Variants in SHANK2 observed in about 807,000 individuals in gnomAD.
SHANK2 encodes the protein SH3 and multiple ankyrin repeat domains 2.
In SHANK2, 43 loss-of-function variants were observed where a neutral mutation model predicts 133.7. That is an observed-to-expected ratio of 0.32 (90% CI 0.25 to 0.41). The LOEUF (loss-of-function observed/expected upper bound fraction) is 0.41. Among genes scored for constraint, SHANK2 ranks in the 10% least tolerant of loss-of-function variants. SHANK2 has a pLI of 1.00. For synonymous variants in SHANK2, 1,017 were observed against 952.8 expected (o/e 1.07, Z -1.24); for missense variants, 1,994 against 2,235.8 (o/e 0.89, Z 2.18).
intron 2 of SHANK2, among the ~76,000 whole-genome samples, chr11:71,214,079 T>C (rs1321985676): frequency 6.6e-6 from 1 of 152,146 alleles, no homozygotes; most frequent in African/African-American, 2.4e-5. Context: ...GTGACTCACC[T>C]GGCCTGGCCC....
chr11:71,213,279 T>C (rs930376629), intron 2 of SHANK2, among the ~76,000 whole-genome samples: 1 of 152,168 alleles, frequency 6.6e-6, no homozygotes, highest in Non-Finnish European at 1.5e-5. Flanking sequence ...CCTGCACAGC[T>C]GTGCCTGCCA....
intron 11 of SHANK2, among the ~76,000 whole-genome samples, chr11:70,837,952 C>A (rs1948845099): frequency 1.2e-5 from 1 of 80,442 alleles, no homozygotes. Flanking sequence ...CCAGCCTGGG[C>A]AACAGAGCAA....
At position 70,469,883 on chromosome 11, in the gene SHANK2, T is replaced by TATC. The variant is rs1169913719; in HGVS notation, c.*2983_*2985dup. The TATC allele has an allele frequency of 2.2e-4, 33 of 152,722 alleles. No individual in the cohort carries two copies. The highest frequency in any genetic ancestry group is 7.9e-4 in the African/African-American group (33 of 41,592). 9.5% of individuals were successfully genotyped at this position (152,722 alleles called of 1,614,324 possible). A position where few individuals can be genotyped will look rare whatever the true frequency, so the allele number is the denominator to read the frequency against. On this transcript the variant is annotated 3_prime_UTR_variant, in exon 26 of 26. Coordinates refer to ENST00000601538, the MANE Select transcript of SHANK2 (RefSeq NM_012309.5). ...ATGTGCGCAGACACCCTGGAAAAGG[T>TATC]ATCTTGGCAGGTATACATAATTTAC...
At chr11:70,514,197 A>G (rs559549807) in intron 17 of SHANK2, among the ~76,000 whole-genome samples, 10 of 152,364 alleles carry the variant, frequency 6.6e-5, no homozygotes, top group Admixed American at 6.5e-4. Context: ...ATCAGAAACC[A>G]TGGAGAAGAA....
chr11:71,167,567 C>T (rs1261039174), intron 2 of SHANK2, among the ~76,000 whole-genome samples: 28 of 135,230 alleles, frequency 2.1e-4, no homozygotes, highest in African/African-American at 2.9e-4. Context: ...CCCTCCCGGA[C>T]GGGGCGGCTG....
intron 8 of SHANK2, among the ~76,000 whole-genome samples, chr11:71,076,073 G>A (rs2135986134): frequency 1.3e-5 from 2 of 152,214 alleles, no homozygotes; most frequent in East Asian, 3.9e-4. Flanking sequence ...GCTGGGCACT[G>A]AGTCAGCACT....
intron 11 of SHANK2, among the ~76,000 whole-genome samples, chr11:70,842,179 A>C (rs924969085): frequency 1.3e-5 from 2 of 152,242 alleles, no homozygotes; most frequent in Non-Finnish European, 2.9e-5. Flanking sequence ...AAGTATATGA[A>C]ATCTCATTAT....
intron 11 of SHANK2, among the ~76,000 whole-genome samples, chr11:70,857,659 C>T (rs562347998): frequency 2.8e-4 from 43 of 152,286 alleles, no homozygotes; most frequent in African/African-American, 7.7e-4. Flanking sequence ...CTTTAGTTGA[C>T]GTGATGGCCC....
chr11:70,873,466 A>G (rs1451502528), intron 11 of SHANK2, among the ~76,000 whole-genome samples: 2 of 152,290 alleles, frequency 1.3e-5, no homozygotes, highest in African/African-American at 4.8e-5. Flanking sequence ...AGTTCCGTGG[A>G]GGAGGAGGGG....
intron 15 of SHANK2, chr11:70,661,934 A>G (rs1339987963): frequency 2.2e-6 from 2 of 902,108 alleles, no homozygotes; most frequent in Non-Finnish European, 3.5e-6. Flanking sequence ...AGCCGGAGGA[A>G]GGAGTCATAC....
intron 10 of SHANK2, among the ~76,000 whole-genome samples, chr11:70,901,102 T>C (rs1950015875): frequency 6.6e-6 from 1 of 152,142 alleles, no homozygotes. Flanking sequence ...CCATTATCTC[T>C]ACTCGACAGA....
At chr11:71,069,094 CCATCATCAT>C (rs1184528653) in intron 9 of SHANK2, among the ~76,000 whole-genome samples, 2 of 149,704 alleles carry the variant, frequency 1.3e-5, no homozygotes, top group African/African-American at 4.9e-5. Flanking sequence ...ACCATCATCA[CCATCATCAT>C]TATCAACCAC....
At chr11:70,544,078 C>T (rs1329030711) in intron 17 of SHANK2, among the ~76,000 whole-genome samples, 1 of 152,196 alleles carries the variant, frequency 6.6e-6, no homozygotes, top group African/African-American at 2.4e-5. Context: ...CAGACACGTT[C>T]CCATTTCTTA....
intron 17 of SHANK2, among the ~76,000 whole-genome samples, chr11:70,602,492 G>A (rs1309053183): frequency 1.3e-5 from 2 of 152,156 alleles, no homozygotes; most frequent in Non-Finnish European, 2.9e-5. Context: ...ACCAGGAGGG[G>A]GTCACACGTC....
At chr11:71,056,041 T>C (rs1180492427) in intron 10 of SHANK2, among the ~76,000 whole-genome samples, 4 of 152,098 alleles carry the variant, frequency 2.6e-5, no homozygotes, top group African/African-American at 7.2e-5. Flanking sequence ...TGGCCCATGA[T>C]TGGCTGGGGT....
Position 70,884,365 on chromosome 11 carries a change from C to T in SHANK2, c.1174+12136G>A, listed in dbSNP as rs575625826. ...ATCTGTTTATCTGCACAACCTCCTG[C>T]GTGTTACTTAGAAACACCACACAAA... On this transcript the variant is annotated intron_variant, in intron 11 of 25. Coordinates refer to ENST00000601538, the MANE Select transcript of SHANK2 (RefSeq NM_012309.5). 1.3e-4 allele frequency among the ~76,000 whole-genome samples: 20 copies of T among 152,340 alleles called. No homozygotes were observed. In the South Asian group the frequency reaches 1.7e-3, roughly 13 times the overall value.
chr11:70,839,716 C>T (rs546405189), intron 11 of SHANK2, among the ~76,000 whole-genome samples: 12 of 152,234 alleles, frequency 7.9e-5, no homozygotes, highest in East Asian at 3.9e-4. Context: ...GAGGTGTCCC[C>T]GGTAAAGCTG....
chr11:70,497,518 C>G (rs995764148), intron 21 of SHANK2, among the ~76,000 whole-genome samples: 3 of 152,182 alleles, frequency 2.0e-5, no homozygotes, highest in Non-Finnish European at 4.4e-5. Context: ...AGCAGTCACC[C>G]GCATTTCAGC....
At chr11:71,080,538 A>T (rs1364019670) in intron 8 of SHANK2, among the ~76,000 whole-genome samples, 3 of 152,200 alleles carry the variant, frequency 2.0e-5, no homozygotes, top group African/African-American at 7.2e-5. Flanking sequence ...GCAGGGGAGC[A>T]GCACAGGTCG....
Sources: gnomAD v4.1 joint callset for allele counts (sites outside exome capture counted in the v4.1 genomes callset) on GRCh38, gnomAD v4.1.1 for gene constraint, MANE v1.5 for transcripts, NCBI Gene and HGNC (gene_info 2026-07-23, HGNC 2026-07-21) for gene names.